The following SPTA1 variants were observed in gnomAD, a reference collection of about 807,000 sequenced individuals.
The protein encoded by SPTA1 is spectrin alpha, erythrocytic 1, also known as spectrin alpha chain, erythrocytic 1.
In SPTA1, 177 loss-of-function variants were observed where a neutral mutation model predicts 324.7. That is an observed-to-expected ratio of 0.55 (90% confidence interval 0.48 to 0.62). SPTA1 has a LOEUF of 0.62. Among genes scored for constraint, SPTA1 ranks in the 20% least tolerant of loss-of-function variants. The probability of loss-of-function intolerance (pLI) is 0.00; values close to 1 mark genes in which losing one functional copy is unlikely to be tolerated. For synonymous variants in SPTA1, 1,195 were observed against 1,041.3 expected, an observed-to-expected ratio of 1.15 and a Z score of -2.84; for missense variants, 3,162 against 2,883.6, an observed-to-expected ratio of 1.10 and a Z score of -2.21.
intron 33 of SPTA1, among the ~76,000 whole-genome samples, chr1:158,640,269 T>C (rs1484317309): frequency 1.3e-5 from 2 of 151,790 alleles, no homozygotes; most frequent in Non-Finnish European, 2.9e-5. Context: ...GCAGAAGGGA[T>C]AGAAAATGTA....
intron 15 of SPTA1, among the ~76,000 whole-genome samples, chr1:158,667,151 A>G (rs932579477): frequency 6.6e-6 from 1 of 150,864 alleles, no homozygotes; most frequent in Non-Finnish European, 1.5e-5. Flanking sequence ...AACCAAAAAT[A>G]AGGATGGTAT....
chr1:158,659,387 T>C (rs1435547964), intron 18 of SPTA1, among the ~76,000 whole-genome samples: 1 of 151,944 alleles, frequency 6.6e-6, no homozygotes, highest in Non-Finnish European at 1.5e-5. Flanking sequence ...TTATTAAGAA[T>C]GCAAAATATC....
intron 45 of SPTA1, among the ~76,000 whole-genome samples, chr1:158,618,298 G>A (rs2101755906): frequency 6.6e-6 from 1 of 152,244 alleles, no homozygotes; most frequent in South Asian, 2.1e-4. Context: ...GAATATGCTT[G>A]GTGTTGGACA....
chr1:158,635,431 G>C (rs1650996432), intron 38 of SPTA1, among the ~76,000 whole-genome samples: 1 of 151,972 alleles, frequency 6.6e-6, no homozygotes, highest in African/African-American at 2.4e-5. Flanking sequence ...GAAACTATGA[G>C]TGAATTAAAC....
At position 158,666,511 on chromosome 1, in the gene SPTA1, T is replaced by C. The variant is rs1653615061; in HGVS notation, c.2039-14A>G. 6.2e-7 allele frequency: 1 copy of C among 1,604,400 alleles called. No individual in the cohort carries two copies. Among genetic ancestry groups the C allele is most frequent in the East Asian group, 2.2e-5 (1 of 44,852 alleles). On this transcript the variant is annotated splice_polypyrimidine_tract_variant and intron_variant, in intron 15 of 51. Coordinates refer to ENST00000643759, the MANE Select transcript of SPTA1 (RefSeq NM_003126.4). ...GCAACTGGGTCCCTGGGAGAAGACA[T>C]AAGGTAGAAGACATTAGGTACCATA...
chr1:158,637,067 CTAA>C, intron 36 of SPTA1, among the ~76,000 whole-genome samples: 2 of 152,302 alleles, frequency 1.3e-5, no homozygotes, highest in African/African-American at 4.8e-5. Flanking sequence ...AGAATACACA[CTAA>C]TGTTTCCTAT....
intron 50 of SPTA1, among the ~76,000 whole-genome samples, chr1:158,613,478 T>C (rs1055684942): frequency 2.0e-5 from 3 of 152,198 alleles, no homozygotes; most frequent in Non-Finnish European, 4.4e-5. Flanking sequence ...CTGAAATTCA[T>C]AGATTGAACA....
chr1:158,654,362 T>G (rs1049586001), intron 21 of SPTA1, among the ~76,000 whole-genome samples: 1 of 152,206 alleles, frequency 6.6e-6, no homozygotes, highest in Non-Finnish European at 1.5e-5. Context: ...TTTCTATATC[T>G]TTGGGCTAAT....
rs748770325 is a variant in SPTA1 at position 158,626,902 on chromosome 1, A to T, written c.5770T>A (p.Leu1924Met). Residue 1924 changes from leucine (L) to methionine (M), a missense_variant, in exon 41 of 52, where the codon TTG becomes ATG. Leu to Met is a conservative substitution (Grantham distance 15, BLOSUM62 2). Coordinates refer to ENST00000643759, the MANE Select transcript of SPTA1 (RefSeq NM_003126.4). ...TCCTGAAAGGCATAATCGTCTTCCA[A>T]TTGCAACTTCCAAGCAGCTATTGCC... The part of the protein sequence containing the change: ...AKAIAAWKLQ[L>M]EDDYAFQEFN... The T allele has an allele frequency of 1.9e-6, 3 of 1,613,886 alleles. No homozygotes were observed. The highest frequency in any genetic ancestry group is 1.1e-5 in the South Asian group (1 of 91,076).
intron 18 of SPTA1, among the ~76,000 whole-genome samples, chr1:158,658,233 C>T (rs1390759799): frequency 6.6e-6 from 1 of 152,124 alleles, no homozygotes; most frequent in Non-Finnish European, 1.5e-5. Context: ...GTAGCTAACC[C>T]AGATAGAACC....
chr1:158,625,069 A>C (rs947934801), intron 42 of SPTA1, among the ~76,000 whole-genome samples: 12 of 152,258 alleles, frequency 7.9e-5, no homozygotes, highest in African/African-American at 2.9e-4. Flanking sequence ...AAATGTAAAC[A>C]GACTCACTTT....
chr1:158,620,997 C>T (rs755194958), intron 43 of SPTA1, among the ~76,000 whole-genome samples: 11 of 152,138 alleles, frequency 7.2e-5, no homozygotes, highest in Non-Finnish European at 1.3e-4. Context: ...TGTCATTTTC[C>T]TACCTTCCTT....
intron 32 of SPTA1, 76 bp downstream of exon 32, chr1:158,642,738 A>T: frequency 6.2e-7 from 1 of 1,609,302 alleles, no homozygotes; most frequent in South Asian, 1.1e-5. Context: ...AAAGTGTTAA[A>T]GTATCAAGGG....
In SPTA1 at chr1:158,626,178, G is replaced by A; in HGVS notation, c.5878C>T (p.Leu1960Phe). ...SLKTNGNGAD[L>F]GDFLTLLAKQ... ...GCCAGAAGAGTGAGGAAGTCACCAAGGTCTGCACCATTGCCATTGGTCTTT... is the reference window on the plus strand; with the variant it reads ...GCCAGAAGAGTGAGGAAGTCACCAAAGTCTGCACCATTGCCATTGGTCTTT... Residue 1960 changes from leucine (L) to phenylalanine (F), a missense_variant, in exon 42 of 52, where the codon CTT (leucine) becomes TTT (phenylalanine). Physicochemically the swap from Leu to Phe is conservative, Grantham distance 22. Transcript: ENST00000643759. 1 of 1,613,728 alleles carries A rather than the reference G, an allele frequency of 6.2e-7. No homozygotes were observed. The highest frequency in any genetic ancestry group is 1.1e-5 in the South Asian group (1 of 91,076).
chr1:158,668,029 G>A lies in SPTA1; in HGVS notation c.1867C>T (p.Gln623Ter). 1 of 1,611,520 alleles carries A rather than the reference G, an allele frequency of 6.2e-7. No individual in the cohort carries two copies. Among genetic ancestry groups the A allele is most frequent in the African/African-American group, 1.4e-5 (1 of 73,998 alleles). The change falls in exon 15 of 52, where the codon CAG (glutamine) becomes TAG (stop). Residue 623 changes from glutamine (Q) to a stop codon, truncating the protein, a stop_gained. Coordinates refer to ENST00000643759, the MANE Select transcript of SPTA1 (RefSeq NM_003126.4). LOFTEE classifies it high-confidence loss of function. The stretch of plus-strand genomic sequence containing the variant: ...GCCAACTCCTTTTCAAAGACTTGCT[G>A]CTTTTGAACCCTGCTCTTCAAGTTC... ...IQNLKSRVQKQQVFEKELAVN... is the reference protein window; with the variant it reads ...IQNLKSRVQK
At chr1:158,626,450 GA>G (rs1021511391) in intron 41 of SPTA1, among the ~76,000 whole-genome samples, 2 of 150,140 alleles carry the variant, frequency 1.3e-5, no homozygotes, top group Non-Finnish European at 3.0e-5. Context: ...GTACTTCATA[GA>G]AAAAAAAAGA....
chr1:158,671,935 C>T, intron 11 of SPTA1, 124 bp downstream of exon 11: 1 of 1,248,964 alleles, frequency 8.0e-7, no homozygotes, highest in Non-Finnish European at 1.2e-6. Context: ...TGTGGATCAC[C>T]CTTTAGTTCC....
intron 16 of SPTA1, 80 bp downstream of exon 16, chr1:158,666,236 A>C: frequency 7.0e-7 from 1 of 1,436,760 alleles, no homozygotes; most frequent in East Asian, 2.4e-5. Flanking sequence ...ATAAGTAATA[A>C]TTACTTATTA....
At position 158,662,802 on chromosome 1, in the gene SPTA1, CT is replaced by C. The variant is rs1359124993; in HGVS notation, c.2363del (p.Lys788SerfsTer3). 6.2e-7 allele frequency: 1 copy of C among 1,613,876 alleles called. No individual in the cohort carries two copies. The highest frequency in any genetic ancestry group is 1.3e-5 in the African/African-American group (1 of 74,866). On this transcript the variant is annotated frameshift_variant, in exon 17 of 52. Coordinates refer to ENST00000643759, the MANE Select transcript of SPTA1 (RefSeq NM_003126.4). LOFTEE classifies it high-confidence loss of function. ...GCTGCAGATGGAGAAGGTCTAAGAG[CT>C]TCTTCTTTCGGGTGGCCAGTGGCTC... ...LKEPLATRKK[K>X]LLDLLHLQLI...
Sources: allele counts gnomAD v4.1 joint callset (sites outside exome capture counted in the v4.1 genomes callset), GRCh38; gene constraint gnomAD v4.1.1; transcripts MANE v1.5; gene names NCBI Gene and HGNC (gene_info 2026-07-23, HGNC 2026-07-21).